Variants in ANXA10 observed in about 807,000 individuals in gnomAD.
The protein encoded by ANXA10 is annexin 14.
Under a neutral mutation model 53.5 loss-of-function variants are expected in ANXA10, and 49 were observed. The ratio of observed to expected loss-of-function variants is 0.92; its 90% CI spans 0.73 to 1.16. The LOEUF (loss-of-function observed/expected upper bound fraction) is 1.16. Among genes scored for constraint, ANXA10 ranks in the 50% most tolerant of loss-of-function variants. ANXA10 has a pLI of 0.00. For missense variants in ANXA10, 393 were observed against 394.4 expected (o/e 1.00, Z 0.03); for synonymous variants, 131 against 128.9 (o/e 1.02, Z -0.11).
At chr4:168,120,578 A>G (rs1730968864) in intron 1 of ANXA10, among the ~76,000 whole-genome samples, 1 of 152,118 alleles carries the variant, frequency 6.6e-6, no homozygotes, top group Non-Finnish European at 1.5e-5. Flanking sequence ...TACATGTAAT[A>G]AATTTTGATG....
At chr4:168,093,235 A>G (rs565036706) in intron 1 of ANXA10, among the ~76,000 whole-genome samples, 1 of 152,270 alleles carries the variant, frequency 6.6e-6, no homozygotes, top group South Asian at 2.1e-4. Context: ...AATTTTGACT[A>G]TTAATTTTAT....
intron 4 of ANXA10, among the ~76,000 whole-genome samples, 163 bp downstream of exon 4, chr4:168,162,804 G>A (rs1731809384): frequency 6.6e-6 from 1 of 152,214 alleles, no homozygotes; most frequent in Admixed American, 6.5e-5. Context: ...CAAGGGCAGT[G>A]GCCTTGTTAG....
chr4:168,125,705 TAATA>T (rs1731056741), intron 1 of ANXA10, among the ~76,000 whole-genome samples: 1 of 152,224 alleles, frequency 6.6e-6, no homozygotes, highest in African/African-American at 2.4e-5. Flanking sequence ...TCTCAGGCAT[TAATA>T]AATTTGAAAT....
chr4:168,170,744 C>T (rs1197797689), intron 6 of ANXA10, among the ~76,000 whole-genome samples: 1 of 152,086 alleles, frequency 6.6e-6, no homozygotes, highest in Admixed American at 6.6e-5. Context: ...ATAAAGTTTA[C>T]TTTAACATTA....
At chr4:168,159,614 A>G (rs1731746488) in intron 3 of ANXA10, among the ~76,000 whole-genome samples, 1 of 152,126 alleles carries the variant, frequency 6.6e-6, no homozygotes, top group African/African-American at 2.4e-5. Context: ...TATTTTGGTA[A>G]TTTGTATTTG....
At chr4:168,145,989 C>A (rs748069314) in intron 3 of ANXA10, among the ~76,000 whole-genome samples, 3 of 151,146 alleles carry the variant, frequency 2.0e-5, no homozygotes, top group Admixed American at 6.6e-5. Context: ...GTGGCATGAT[C>A]TTGGCTTACT....
At chr4:168,153,775 A>G (rs1245200908) in intron 3 of ANXA10, among the ~76,000 whole-genome samples, 2 of 152,156 alleles carry the variant, frequency 1.3e-5, no homozygotes, top group Non-Finnish European at 2.9e-5. Context: ...CACTTTGCAG[A>G]TTGTGAAACA....
At chr4:168,129,638 T>C (rs1459311937) in intron 2 of ANXA10, among the ~76,000 whole-genome samples, 1 of 152,180 alleles carries the variant, frequency 6.6e-6, no homozygotes. Flanking sequence ...TCTGGCGAAG[T>C]GTTATTGAAA....
chr4:168,113,016 C>A (rs1730835522), intron 1 of ANXA10, among the ~76,000 whole-genome samples: 1 of 151,208 alleles, frequency 6.6e-6, no homozygotes. Flanking sequence ...GAGGGAGACT[C>A]CATCGGAAAA....
Position 168,187,352 on chromosome 4 carries a change from A to G in ANXA10, c.907-14A>G. The stretch of plus-strand genomic sequence containing the variant: ...TGATATTTTATTTCAAATATATTAT[A>G]TTTTTCTTTTCAGAATTTTGCTTCA... On this transcript the variant is annotated splice_polypyrimidine_tract_variant and intron_variant, in intron 11 of 11. Coordinates refer to ENST00000359299, the MANE Select transcript of ANXA10 (RefSeq NM_007193.5). The G allele has an allele frequency of 6.5e-7, 1 of 1,540,950 alleles. No homozygotes were observed. The highest frequency in any genetic ancestry group is 1.4e-5 in the African/African-American group (1 of 72,432).
At chr4:168,171,706 T>A (rs1371054687) in intron 6 of ANXA10, among the ~76,000 whole-genome samples, 1 of 152,224 alleles carries the variant, frequency 6.6e-6, no homozygotes, top group Non-Finnish European at 1.5e-5. Flanking sequence ...ACATTCTTCT[T>A]GAAAACTAAT....
intron 1 of ANXA10, among the ~76,000 whole-genome samples, chr4:168,095,944 G>C (rs1730534037): frequency 6.6e-6 from 1 of 152,134 alleles, no homozygotes; most frequent in Non-Finnish European, 1.5e-5. Flanking sequence ...CCTCAGAATA[G>C]CTCAAGAGCA....
intron 6 of ANXA10, among the ~76,000 whole-genome samples, chr4:168,173,229 T>G (rs1416356437): frequency 6.6e-6 from 1 of 152,140 alleles, no homozygotes; most frequent in Non-Finnish European, 1.5e-5. Flanking sequence ...GAGAAAAATG[T>G]AAGGTAAGAA....
chr4:168,101,194 CT>C (rs1192531857), intron 1 of ANXA10, among the ~76,000 whole-genome samples: 3 of 151,938 alleles, frequency 2.0e-5, no homozygotes, highest in Admixed American at 6.6e-5. Flanking sequence ...CCACTTGGCT[CT>C]CTCATTTTCC....
chr4:168,179,561 C>T (rs1732199561), intron 9 of ANXA10, among the ~76,000 whole-genome samples: 1 of 152,174 alleles, frequency 6.6e-6, no homozygotes, highest in African/African-American at 2.4e-5. Flanking sequence ...AACTTTCATA[C>T]CAGAAAACAC....
At chr4:168,154,002 A>G (rs999804203) in intron 3 of ANXA10, among the ~76,000 whole-genome samples, 3 of 146,090 alleles carry the variant, frequency 2.1e-5, no homozygotes, top group Non-Finnish European at 3.0e-5. Context: ...ACACACACAC[A>G]CGCACACACG....
chr4:168,164,480 C>G (rs1011175713), intron 5 of ANXA10, among the ~76,000 whole-genome samples, 192 bp downstream of exon 5: 1 of 152,036 alleles, frequency 6.6e-6, no homozygotes, highest in African/African-American at 2.4e-5. Context: ...ATTCTCTAGA[C>G]AATCAAGTTA....
intron 1 of ANXA10, among the ~76,000 whole-genome samples, chr4:168,108,635 T>C (rs1730754516): frequency 6.6e-6 from 1 of 152,110 alleles, no homozygotes; most frequent in African/African-American, 2.4e-5. Context: ...ACTTATGTAG[T>C]CTGTGGCAAA....
intron 8 of ANXA10, chr4:168,178,263 T>G (rs774241069): frequency 5.1e-6 from 2 of 389,768 alleles, no homozygotes; most frequent in Non-Finnish European, 9.5e-6. Context: ...ATATTAGCTG[T>G]TTCCTATTAG....
Sources: gnomAD v4.1 joint callset for allele counts (sites outside exome capture counted in the v4.1 genomes callset) on GRCh38, gnomAD v4.1.1 for gene constraint, MANE v1.5 for transcripts, NCBI Gene and HGNC (gene_info 2026-07-23, HGNC 2026-07-21) for gene names.